ZNF844: variants seen among roughly 807,000 people sequenced by gnomAD.
ZNF844 encodes the protein zinc finger protein 844.
Under a neutral mutation model 11.4 loss-of-function variants are expected in ZNF844, and 11 were observed. The observed-to-expected ratio is 0.97, with a 90% confidence interval of 0.61 to 1.60. The LOEUF (loss-of-function observed/expected upper bound fraction) is 1.60. Ranked by LOEUF, ZNF844 falls within the 40% of genes most tolerant of loss-of-function variation. The pLI is 0.00. For synonymous variants in ZNF844, 248 were observed against 260.3 expected (o/e 0.95, Z 0.46); for missense variants, 790 against 796.8 (o/e 0.99, Z 0.10).
chr19:12,080,617 TAAAGGTGTC>T lies in ZNF844; in HGVS notation c.*3497_*3505del, dbSNP rs1265499541. On this transcript the variant is annotated 3_prime_UTR_variant, in exon 4 of 4. Coordinates refer to ENST00000439326, the MANE Select transcript of ZNF844 (RefSeq NM_001136501.3). ...TTGCTCAGAGGTGTGGGCCTTTGGG[TAAAGGTGTC>T]TTCAGAAGCTCCACATTAAAGATCC... The T allele has an allele frequency of 3.1e-5, 5 of 160,684 alleles. No individual in the cohort carries two copies. The highest frequency in any genetic ancestry group is 4.8e-5 in the African/African-American group (2 of 41,496). 10.0% of individuals were successfully genotyped at this position (160,684 alleles called of 1,614,324 possible).
chr19:12,071,390 T>C (rs1386594371), intron 1 of ZNF844, among the ~76,000 whole-genome samples: 22 of 152,226 alleles, frequency 1.4e-4, no homozygotes, highest in Admixed American at 1.4e-3. Context: ...TGTTTAGAAA[T>C]TTTATTTTCA....
At chr19:12,073,776 G>T (rs753546764) in intron 1 of ZNF844, among the ~76,000 whole-genome samples, 10 of 152,112 alleles carry the variant, frequency 6.6e-5, no homozygotes, top group Admixed American at 2.6e-4. Context: ...CCCAGGCAGC[G>T]CACCTTTCTC....
At chr19:12,071,805 A>G (rs889971583) in intron 1 of ZNF844, among the ~76,000 whole-genome samples, 17 of 151,454 alleles carry the variant, frequency 1.1e-4, no homozygotes, top group Non-Finnish European at 1.0e-4. Context: ...TCAAATCTAT[A>G]TAACTCGTCT....
Position 12,075,775 on chromosome 19 carries a change from C to T in ZNF844, c.655C>T (p.His219Tyr). 1 of 1,612,956 alleles carries T rather than the reference C, an allele frequency of 6.2e-7. No homozygotes were observed. ...CATATATCTTATACATGAACGAGTT[C>T]ACACTGGAGAGAAACCATATAAATG... ...LSIYLIHERV[H>Y]TGEKPYKCKQ... The change falls in exon 4 of 4, where the codon CAC (histidine) becomes TAC (tyrosine). Residue 219 changes from histidine to tyrosine, a missense_variant. By Grantham distance (83) the His-to-Tyr change is moderately conservative. This residue lies in a region of ZNF844 where 657 missense variants were observed against 636.2 expected (regional missense o/e 1.03). Transcript: ENST00000439326.
rs770822845 is a variant in ZNF844 at position 12,081,308 on chromosome 19, A to C, written c.*4187A>C. Reference sequence around the variant, plus strand: ...GTGACTGGTCTCACCCAGGGCTTTCAGGAAGGTGAGAATAAGCACCTTCCT... The same window carrying C: ...GTGACTGGTCTCACCCAGGGCTTTCCGGAAGGTGAGAATAAGCACCTTCCT... On this transcript the variant is annotated 3_prime_UTR_variant, in exon 4 of 4. Transcript: ENST00000439326. The C allele has an allele frequency of 6.6e-6, 1 of 152,176 alleles. No individual in the cohort carries two copies. Among genetic ancestry groups the C allele is most frequent in the Non-Finnish European group, 1.5e-5 (1 of 68,032 alleles). The allele number at this position is 152,176 out of a possible 1,614,324, so 9.4% of individuals were successfully genotyped here. A position where few individuals can be genotyped will look rare whatever the true frequency, so the allele number is the denominator to read the frequency against.
At chr19:12,065,194 A>G (rs1006323342) in intron 1 of ZNF844, among the ~76,000 whole-genome samples, 1 of 152,042 alleles carries the variant, frequency 6.6e-6, no homozygotes, top group African/African-American at 2.4e-5. Flanking sequence ...CGGGAGGGTC[A>G]TGGGGGCAAT....
intron 3 of ZNF844, among the ~76,000 whole-genome samples, 192 bp downstream of exon 3, chr19:12,074,613 G>GT (rs2145547047): frequency 1.3e-5 from 2 of 152,310 alleles, no homozygotes; most frequent in South Asian, 4.1e-4. Flanking sequence ...AATTTCAACT[G>GT]TTTGGGAGTT....
intron 1 of ZNF844, chr19:12,070,139 A>G (rs1337485444): frequency 1.3e-5 from 2 of 150,246 alleles, no homozygotes; most frequent in Non-Finnish European, 3.0e-5. Flanking sequence ...ATAAGCGTAA[A>G]AAAAAAAAAA....
At chr19:12,065,819 A>T (rs1424472270) in intron 1 of ZNF844, among the ~76,000 whole-genome samples, 2 of 151,780 alleles carry the variant, frequency 1.3e-5, no homozygotes, top group Non-Finnish European at 2.9e-5. Context: ...ATTTTCAGTA[A>T]AGACGGGGTT....
intron 3 of ZNF844, 143 bp from the exon 4 acceptor site, chr19:12,075,169 G>A (rs149332412): frequency 1.4e-4 from 67 of 471,076 alleles, no homozygotes; most frequent in East Asian, 1.1e-3. Flanking sequence ...AAACCTGCAC[G>A]TTGTGCACAT....
At chr19:12,067,400 G>C (rs544609449) in intron 1 of ZNF844, among the ~76,000 whole-genome samples, 2 of 148,810 alleles carry the variant, frequency 1.3e-5, no homozygotes, top group Admixed American at 1.3e-4. Context: ...CACCTGAGAA[G>C]TTCGAGACCA....
chr19:12,076,170 C>A lies in ZNF844; in HGVS notation c.1050C>A (p.Asn350Lys). The change falls in exon 4 of 4, where the codon AAC (asparagine) becomes AAA (lysine). Residue 350 changes from asparagine (N) to lysine (K), a missense_variant. Around this residue, in one of 3 missense-constraint regions of ZNF844, gnomAD observed 657 missense variants for 636.2 expected, o/e 1.03. Transcript: ENST00000439326. ...GTGGGAAAGCATTATCTTATCTTAA[C>A]TTTCAAAGACACATGAAAATGCACA... ...KQCGKALSYL[N>K]FQRHMKMHTR... 1 of 1,580,682 alleles carries A rather than the reference C, an allele frequency of 6.3e-7. No homozygotes were observed. The highest frequency in any genetic ancestry group is 2.3e-5 in the East Asian group (1 of 42,732).
chr19:12,065,636 A>ATT lies in ZNF844; in HGVS notation c.3+776_3+777dup, dbSNP rs35958243. ...TTTTCTTTAATATTTTTTTCTTACA[A>ATT]TTTTTTTTTTTTTTTTTAAGACAGA... On this transcript the variant is annotated intron_variant, in intron 1 of 3. Coordinates refer to ENST00000439326, the MANE Select transcript of ZNF844 (RefSeq NM_001136501.3). 1.9e-3 allele frequency among the ~76,000 whole-genome samples: 274 copies of ATT among 142,868 alleles called. 1 individual carries two copies. Among genetic ancestry groups the ATT allele is most frequent in the Middle Eastern group, 0.018 (5 of 278 alleles). 93.7% of individuals were successfully genotyped at this position (142,868 alleles called of 152,430 possible).
chr19:12,065,575 TCAAATCA>T (rs2145539739), intron 1 of ZNF844, among the ~76,000 whole-genome samples: 1 of 151,980 alleles, frequency 6.6e-6, no homozygotes, highest in East Asian at 2.0e-4. Context: ...GAGTTAGCAC[TCAAATCA>T]GTCTCCCCGA....
At position 12,080,291 on chromosome 19, in the gene ZNF844, A is replaced by C; in HGVS notation, c.*3170A>C. ...CGTGAATCCAGGAGGCAGAGCTTGC[A>C]GTGAACCGAGATCGCGCCACTGCAC... On this transcript the variant is annotated 3_prime_UTR_variant, in exon 4 of 4. Coordinates refer to ENST00000439326, the MANE Select transcript of ZNF844 (RefSeq NM_001136501.3). The C allele has an allele frequency of 4.0e-6, 1 of 248,992 alleles. No homozygotes were observed. The allele number at this position is 248,992 out of a possible 1,614,324, so 15.4% of individuals were successfully genotyped here. A position where few individuals can be genotyped will look rare whatever the true frequency, so the allele number is the denominator to read the frequency against.
rs1975810234 is a variant in ZNF844, at chr19:12,076,033, GAGGAGA to G, written c.917_922del (p.Glu306_Lys307del). 6.4e-7 allele frequency: 1 copy of G among 1,568,492 alleles called. No individual in the cohort carries two copies. Among genetic ancestry groups the G allele is most frequent in the Middle Eastern group, 1.7e-4 (1 of 6,010 alleles). On this transcript the variant is annotated inframe_deletion, in exon 4 of 4. Coordinates refer to ENST00000439326, the MANE Select transcript of ZNF844 (RefSeq NM_001136501.3). ...TCAAATACATGAAAGAACTCACAGT[GAGGAGA>G]AGGCTTATGAATGTACCAAATGTGG...
chr19:12,069,841 G>C (rs1399843161), intron 1 of ZNF844, among the ~76,000 whole-genome samples: 1 of 151,594 alleles, frequency 6.6e-6, no homozygotes, highest in Non-Finnish European at 1.5e-5. Context: ...TGTAGTCCCA[G>C]CTACTCAGGA....
In ZNF844 at chr19:12,075,571, A is replaced by C; in HGVS notation, c.451A>C (p.Arg151=). ...GTGTCAACAACGTAAGAAAGCCTTCAGATGTCACCCCTCCTTTCAAATGCA... is the reference window on the plus strand; with the variant it reads ...GTGTCAACAACGTAAGAAAGCCTTCCGATGTCACCCCTCCTTTCAAATGCA... ...YKCQQRKKAF[R]CHPSFQMQEK... The change falls in exon 4 of 4, where the codon AGA becomes CGA. Residue 151 remains arginine (R), a synonymous_variant. Transcript: ENST00000439326. 1 of 1,614,150 alleles carries C rather than the reference A, an allele frequency of 6.2e-7. No individual in the cohort carries two copies. Among genetic ancestry groups the C allele is most frequent in the South Asian group, 1.1e-5 (1 of 91,062 alleles).
Position 12,075,976 on chromosome 19 carries a change from TG to T in ZNF844, c.857del (p.Cys286LeufsTer44). 1 of 1,592,026 alleles carries T rather than the reference TG, an allele frequency of 6.3e-7. No homozygotes were observed. The highest frequency in any genetic ancestry group is 8.6e-7 in the Non-Finnish European group (1 of 1,168,682). The part of the protein sequence containing the change: ...TGEKPYECKQ[C>X]GKAFRWFHSF... ...AGAGAAGCCATATGAATGCAAACAA[TG>T]TGGAAAAGCCTTCAGATGGTTCCAT... On this transcript the variant is annotated frameshift_variant, in exon 4 of 4. Coordinates refer to ENST00000439326, the MANE Select transcript of ZNF844 (RefSeq NM_001136501.3). LOFTEE classifies it low-confidence loss of function (END_TRUNC).
Sources: gnomAD v4.1 joint callset for allele counts (sites outside exome capture counted in the v4.1 genomes callset) on GRCh38, gnomAD v4.1.1 for gene constraint, gnomAD v4.1.1 regional missense constraint, MANE v1.5 for transcripts, NCBI Gene and HGNC (gene_info 2026-07-23, HGNC 2026-07-21) for gene names.